RAB2A: variants seen among roughly 807,000 people sequenced by gnomAD.
RAB2A encodes the protein RAB2A, member RAS oncogene family.
A neutral mutation model predicts 32.5 loss-of-function variants in RAB2A; 7 were observed. That is an observed-to-expected ratio of 0.22 (90% CI 0.12 to 0.40). The LOEUF is 0.40. RAB2A is among the 10% of genes least tolerant of loss of function. The probability of loss-of-function intolerance (pLI) is 1.00; values close to 1 mark genes in which losing one functional copy is unlikely to be tolerated. For missense variants in RAB2A, 108 were observed against 260.7 expected, an observed-to-expected ratio of 0.41 and a Z score of 4.03; for synonymous variants, 79 against 85.2, an observed-to-expected ratio of 0.93 and a Z score of 0.40.
intron 1 of RAB2A, among the ~76,000 whole-genome samples, chr8:60,556,129 TTC>T (rs1466926952): frequency 6.6e-6 from 1 of 152,210 alleles, no homozygotes; most frequent in Non-Finnish European, 1.5e-5. Flanking sequence ...ATACTGCATG[TTC>T]TCGTATCCAC....
chr8:60,607,489 C>T (rs902237147), intron 6 of RAB2A, among the ~76,000 whole-genome samples: 5 of 149,686 alleles, frequency 3.3e-5, no homozygotes, highest in Non-Finnish European at 7.4e-5. Flanking sequence ...GTTGCCGAGG[C>T]TTGTCTCAAA....
At chr8:60,547,707 A>C (rs1459784469) in intron 1 of RAB2A, among the ~76,000 whole-genome samples, 166 of 64,560 alleles carry the variant, frequency 2.6e-3, no homozygotes, top group Middle Eastern at 7.9e-3. Flanking sequence ...GGGGGGGCTG[A>C]CCCCCCCACC....
intron 1 of RAB2A, among the ~76,000 whole-genome samples, chr8:60,545,584 A>G (rs929626435): frequency 6.6e-6 from 1 of 152,174 alleles, no homozygotes; most frequent in African/African-American, 2.4e-5. Context: ...CCGGCAAGGA[A>G]TCTGCATTTT....
At chr8:60,542,813 T>C (rs1213497780) in intron 1 of RAB2A, among the ~76,000 whole-genome samples, 1 of 152,230 alleles carries the variant, frequency 6.6e-6, no homozygotes, top group Non-Finnish European at 1.5e-5. Flanking sequence ...GCGTACTTTT[T>C]TCTGCACTTT....
intron 6 of RAB2A, among the ~76,000 whole-genome samples, chr8:60,613,690 G>A (rs548998606): frequency 8.1e-4 from 124 of 152,168 alleles, no homozygotes; most frequent in South Asian, 4.4e-3. Context: ...TTTCTTGAAA[G>A]CAAAATAAAG....
At chr8:60,607,042 A>G (rs918595914) in intron 6 of RAB2A, among the ~76,000 whole-genome samples, 9 of 150,970 alleles carry the variant, frequency 6.0e-5, no homozygotes, top group Non-Finnish European at 1.0e-4. Context: ...TGGTGGGTGC[A>G]TGGAGACTGC....
chr8:60,592,018 G>T, intron 6 of RAB2A, 49 bp downstream of exon 6: 1 of 1,079,056 alleles, frequency 9.3e-7, no homozygotes, highest in South Asian at 1.5e-5. Flanking sequence ...TAATAGAAAT[G>T]TTTTATATAT....
chr8:60,620,696 C>T lies in RAB2A; in HGVS notation c.566C>T (p.Pro189Leu). 6.2e-7 allele frequency: 1 copy of T among 1,613,682 alleles called. No homozygotes were observed. Among genetic ancestry groups the T allele is most frequent in the Middle Eastern group, 1.7e-4 (1 of 6,056 alleles). The change falls in exon 8 of 8, where the codon CCT becomes CTT. Residue 189 changes from proline (P) to leucine (L), a missense_variant. Around this residue, in one of 4 missense-constraint regions of RAB2A, gnomAD observed 79 missense variants for 199.8 expected, o/e 0.40. Transcript: ENST00000262646. ...NNEANGIKIG[P>L]QHAATNATHA... ...CAGGCAAATGGCATTAAAATTGGCC[C>T]TCAGCATGCTGCTACCAATGCAACA...
chr8:60,549,048 C>T (rs1294355751), intron 1 of RAB2A, among the ~76,000 whole-genome samples: 6 of 150,918 alleles, frequency 4.0e-5, no homozygotes, highest in South Asian at 2.1e-4. Flanking sequence ...GATGGGCGGC[C>T]GGGCAGAGAC....
At chr8:60,522,523 TA>T (rs968510168) in intron 1 of RAB2A, among the ~76,000 whole-genome samples, 3 of 151,784 alleles carry the variant, frequency 2.0e-5, no homozygotes, top group East Asian at 1.9e-4. Flanking sequence ...CTTTCTTTTT[TA>T]AAAAAAAATT....
intron 3 of RAB2A, 23 bp downstream of exon 3, chr8:60,572,136 GTATGA>G: frequency 6.6e-7 from 1 of 1,525,982 alleles, no homozygotes; most frequent in East Asian, 2.3e-5. Flanking sequence ...AAAGTGCACT[GTATGA>G]TCTCAGTAAA....
At chr8:60,520,402 G>T (rs76571458) in intron 1 of RAB2A, among the ~76,000 whole-genome samples, 1 of 152,176 alleles carries the variant, frequency 6.6e-6, no homozygotes, top group South Asian at 2.1e-4. Context: ...TAATTATCAA[G>T]CATGGAGAGA....
intron 3 of RAB2A, among the ~76,000 whole-genome samples, chr8:60,577,514 A>G (rs1344627027): frequency 6.6e-6 from 1 of 152,198 alleles, no homozygotes; most frequent in Non-Finnish European, 1.5e-5. Flanking sequence ...CAGCCTAAAA[A>G]TCACTTTGAT....
At chr8:60,601,012 A>G (rs1804125805) in intron 6 of RAB2A, among the ~76,000 whole-genome samples, 1 of 152,184 alleles carries the variant, frequency 6.6e-6, no homozygotes, top group Non-Finnish European at 1.5e-5. Context: ...AAAAAGTTTA[A>G]TCAAAAAATA....
intron 6 of RAB2A, among the ~76,000 whole-genome samples, chr8:60,611,281 G>A (rs965202125): frequency 3.7e-4 from 56 of 152,188 alleles, no homozygotes; most frequent in African/African-American, 1.3e-3. Flanking sequence ...TGCCTATAGG[G>A]CCACATCTCT....
intron 6 of RAB2A, among the ~76,000 whole-genome samples, chr8:60,598,323 T>TA (rs1236251814): frequency 2.0e-5 from 3 of 152,122 alleles, no homozygotes; most frequent in Non-Finnish European, 4.4e-5. Flanking sequence ...ACCAGACGTT[T>TA]AAAAAAGGAA....
intron 6 of RAB2A, among the ~76,000 whole-genome samples, chr8:60,605,840 C>CATATATATATATATATAT (rs1003742324): frequency 2.9e-5 from 4 of 136,770 alleles, no homozygotes; most frequent in African/African-American, 1.3e-4. Flanking sequence ...TACATATATA[C>CATATATATATATATATAT]ATATATATAT....
intron 1 of RAB2A, among the ~76,000 whole-genome samples, chr8:60,546,296 T>C (rs1387169466): frequency 6.6e-6 from 1 of 152,238 alleles, no homozygotes; most frequent in South Asian, 2.1e-4. Context: ...AGATTCTAGT[T>C]AGTGATATTT....
At chr8:60,566,468 G>T (rs910770013) in intron 2 of RAB2A, among the ~76,000 whole-genome samples, 4 of 151,174 alleles carry the variant, frequency 2.6e-5, no homozygotes, top group Non-Finnish European at 5.9e-5. Context: ...TAGTTTTTTT[G>T]TTTTTTTGTT....
Sources: allele counts gnomAD v4.1 joint callset (sites outside exome capture counted in the v4.1 genomes callset), GRCh38; gene constraint gnomAD v4.1.1; regional missense constraint gnomAD v4.1.1; transcripts MANE v1.5; gene names NCBI Gene and HGNC (gene_info 2026-07-23, HGNC 2026-07-21).